Variants in HECW1 observed in about 807,000 individuals in gnomAD.
The protein encoded by HECW1 is E3 ubiquitin-protein ligase HECW1.
Under a neutral mutation model 182.3 loss-of-function variants are expected in HECW1, and 61 were observed. That is an observed-to-expected ratio of 0.33 (90% confidence interval 0.27 to 0.41). The LOEUF (loss-of-function observed/expected upper bound fraction) is 0.41, where lower values mean the gene tolerates loss of function less well. Ranked by LOEUF, HECW1 falls within the 10% of genes least tolerant of loss-of-function variation. HECW1 has a pLI of 1.00. For missense variants in HECW1, 1,739 were observed against 2,108.9 expected, an observed-to-expected ratio of 0.82 and a Z score of 3.44; for synonymous variants, 859 against 832.6, an observed-to-expected ratio of 1.03 and a Z score of -0.55.
chr7:43,541,888 C>T lies in HECW1; in HGVS notation c.4138C>T (p.Leu1380=), dbSNP rs370202350. ...LLRLPCDLSD[L]EYLDEEFHQS... is the part of the protein sequence containing the mutation. ...ACCCAGGCCCTGTGATTTGAGTGAC[C>T]TGGAATATTTGGATGAGGAATTCCA... The change falls in exon 26 of 30, where the codon CTG becomes TTG. Residue 1380 remains leucine, a synonymous_variant. Coordinates refer to ENST00000395891, the MANE Select transcript of HECW1 (RefSeq NM_015052.5). 35 of 1,534,724 alleles carry T rather than the reference C, an allele frequency of 2.3e-5. No homozygotes were observed. Among genetic ancestry groups the T allele is most frequent in the Non-Finnish European group, 2.9e-5 (33 of 1,141,342 alleles).
chr7:43,492,084 G>T lies in HECW1; in HGVS notation c.3244G>T (p.Val1082Phe). ...TTTATTCTAAAATTAGGCCTCAGAA[G>T]TTTCTAGAAACAGAGGAGCCTCTTT... is the stretch of plus-strand genomic sequence containing the variant. ...RSYSAGEASE[V>F]SRNRGASLLA... The change falls in exon 18 of 30, where the codon GTT becomes TTT. Residue 1082 changes from valine to phenylalanine, a missense_variant. This residue lies in a region of HECW1 where 971 missense variants were observed against 1,029.1 expected (regional missense o/e 0.94). Transcript: ENST00000395891. 1 of 1,605,068 alleles carries T rather than the reference G, an allele frequency of 6.2e-7. No homozygotes were observed. The highest frequency in any genetic ancestry group is 8.5e-7 in the Non-Finnish European group (1 of 1,176,712).
At chr7:43,330,341 C>T (rs1247297962) in intron 5 of HECW1, among the ~76,000 whole-genome samples, 1 of 152,246 alleles carries the variant, frequency 6.6e-6, no homozygotes, top group East Asian at 1.9e-4. Flanking sequence ...GAGTTTCCAG[C>T]CATCCTCAAC....
At chr7:43,529,093 G>A (rs953736346) in intron 24 of HECW1, among the ~76,000 whole-genome samples, 8 of 151,980 alleles carry the variant, frequency 5.3e-5, no homozygotes, top group Admixed American at 2.6e-4. Flanking sequence ...TCCCACAGTG[G>A]CCCTCTCAAC....
chr7:43,553,520 T>C (rs1028704545), intron 28 of HECW1, among the ~76,000 whole-genome samples: 47 of 151,894 alleles, frequency 3.1e-4, no homozygotes, highest in Admixed American at 2.8e-3. Flanking sequence ...AATACAAAAA[T>C]TAGCCAGGTG....
chr7:43,311,708 G>C, intron 3 of HECW1, 55 bp from the exon 4 acceptor site: 1 of 1,527,158 alleles, frequency 6.5e-7, no homozygotes, highest in Non-Finnish European at 9.1e-7. Context: ...TGTGATGACG[G>C]TGACTGAGTT....
rs745645379 is a variant in HECW1, at chr7:43,488,003, AAGCCAGCC to A, written c.3235-4057_3235-4050del. Among the ~76,000 whole-genome samples, 26 of 149,984 alleles carry A rather than the reference AAGCCAGCC, an allele frequency of 1.7e-4. No individual in the cohort carries two copies. In the South Asian group the frequency reaches 4.5e-3, roughly 26 times the overall value. ...GAGAGAAAGAAAAAAGAAAGAAAGA[AAGCCAGCC>A]AGCCAGCCAGCCAGGCAGACAGTCA... On this transcript the variant is annotated intron_variant, in intron 17 of 29. Transcript: ENST00000395891.
chr7:43,501,563 C>T (rs530362525), intron 21 of HECW1, among the ~76,000 whole-genome samples: 1 of 152,212 alleles, frequency 6.6e-6, no homozygotes, highest in African/African-American at 2.4e-5. Flanking sequence ...GGGCAGGTGG[C>T]TCATGCTTAT....
intron 3 of HECW1, among the ~76,000 whole-genome samples, chr7:43,250,961 C>T (rs1799964744): frequency 6.6e-6 from 1 of 152,204 alleles, no homozygotes; most frequent in South Asian, 2.1e-4. Flanking sequence ...AGCTCACCTC[C>T]TCTGAAGGCA....
intron 2 of HECW1, among the ~76,000 whole-genome samples, chr7:43,237,579 A>G (rs1798490700): frequency 1.3e-5 from 2 of 152,304 alleles, no homozygotes; most frequent in African/African-American, 4.8e-5. Flanking sequence ...AGTTATAGGA[A>G]CTGCCTCGCT....
intron 2 of HECW1, among the ~76,000 whole-genome samples, chr7:43,204,658 C>A (rs544201912): frequency 2.6e-5 from 4 of 152,172 alleles, no homozygotes; most frequent in African/African-American, 9.6e-5. Flanking sequence ...AAGGAAGAGA[C>A]CTCAGTGAAA....
chr7:43,373,168 G>A (rs2074180533), intron 6 of HECW1, among the ~76,000 whole-genome samples: 1 of 150,342 alleles, frequency 6.7e-6, no homozygotes, highest in South Asian at 2.1e-4. Context: ...CTGTGGTGCT[G>A]CCCATGCACG....
chr7:43,529,353 A>G (rs185273042), intron 24 of HECW1, among the ~76,000 whole-genome samples: 2 of 152,222 alleles, frequency 1.3e-5, no homozygotes, highest in East Asian at 3.9e-4. Flanking sequence ...CTGAAGGACA[A>G]AACGCCACTG....
chr7:43,297,448 G>C (rs1161500249), intron 3 of HECW1, among the ~76,000 whole-genome samples: 1 of 152,198 alleles, frequency 6.6e-6, no homozygotes, highest in East Asian at 1.9e-4. Context: ...TTGAGACTGT[G>C]GATGTGTGTG....
chr7:43,187,890 C>T (rs1231627743), intron 2 of HECW1, among the ~76,000 whole-genome samples: 2 of 152,082 alleles, frequency 1.3e-5, no homozygotes, highest in African/African-American at 2.4e-5. Flanking sequence ...CAAGTCAGTC[C>T]CAGACTGAAT....
chr7:43,251,500 G>A (rs2152726631), intron 3 of HECW1, among the ~76,000 whole-genome samples: 1 of 152,226 alleles, frequency 6.6e-6, no homozygotes, highest in Admixed American at 6.5e-5. Context: ...ATTTTTAATA[G>A]AGATGGGGTT....
At chr7:43,348,879 G>C (rs1460082633) in intron 5 of HECW1, among the ~76,000 whole-genome samples, 2 of 152,160 alleles carry the variant, frequency 1.3e-5, no homozygotes, top group Admixed American at 1.3e-4. Flanking sequence ...GAGAGTGCTT[G>C]ATATAATTTC....
rs192548688 is a variant in HECW1 at position 43,563,391 on chromosome 7, A to C, written c.*1465A>C. The C allele has an allele frequency of 3.0e-5, 6 of 201,976 alleles. No homozygotes were observed. The highest frequency in any genetic ancestry group is 1.4e-4 in the African/African-American group (6 of 43,612). 12.5% of individuals were successfully genotyped at this position (201,976 alleles called of 1,614,324 possible). A position where few individuals can be genotyped will look rare whatever the true frequency, so the allele number is the denominator to read the frequency against. On this transcript the variant is annotated 3_prime_UTR_variant, in exon 30 of 30. Coordinates refer to ENST00000395891, the MANE Select transcript of HECW1 (RefSeq NM_015052.5). Reference sequence around the variant, plus strand: ...TCCATGTTGCCTGAAATAGGTCATAAATGAAAGTGTTTTTCTTCACTGGGA... The same window carrying C: ...TCCATGTTGCCTGAAATAGGTCATACATGAAAGTGTTTTTCTTCACTGGGA...
chr7:43,281,935 C>T (rs1300681520), intron 3 of HECW1, among the ~76,000 whole-genome samples: 1 of 152,042 alleles, frequency 6.6e-6, no homozygotes, highest in African/African-American at 2.4e-5. Context: ...TCCTTTAAGT[C>T]CCAACATGTC....
chr7:43,334,120 G>A (rs969661267), intron 5 of HECW1, among the ~76,000 whole-genome samples: 1 of 152,202 alleles, frequency 6.6e-6, no homozygotes, highest in Admixed American at 6.5e-5. Flanking sequence ...TTTTTGGTGA[G>A]GACAGAGATC....
Sources: allele counts gnomAD v4.1 joint callset (sites outside exome capture counted in the v4.1 genomes callset), GRCh38; gene constraint gnomAD v4.1.1; regional missense constraint gnomAD v4.1.1; transcripts MANE v1.5; gene names NCBI Gene and HGNC (gene_info 2026-07-23, HGNC 2026-07-21).